SSX2IP: variants seen among roughly 807,000 people sequenced by gnomAD.
The protein encoded by SSX2IP is SSX family member 2 interacting protein, also known as afadin- and alpha-actinin-binding protein.
A neutral mutation model predicts 84.9 loss-of-function variants in SSX2IP; 55 were observed. The observed-to-expected ratio is 0.65, with a 90% CI of 0.52 to 0.81. The LOEUF is 0.81. SSX2IP is among the 30% of genes least tolerant of loss of function. SSX2IP has a pLI of 0.00. For synonymous variants in SSX2IP, 239 were observed against 234.7 expected, an observed-to-expected ratio of 1.02 and a Z score of -0.17; for missense variants, 664 against 705.2, an observed-to-expected ratio of 0.94 and a Z score of 0.66.
intron 3 of SSX2IP, chr1:84,670,366 T>C: frequency 4.7e-6 from 1 of 214,624 alleles, no homozygotes; most frequent in Non-Finnish European, 9.1e-6. Context: ...TATAAATCTG[T>C]GACATGGAGC....
At chr1:84,660,100 C>T (rs1476263390) in intron 8 of SSX2IP, among the ~76,000 whole-genome samples, 1 of 152,126 alleles carries the variant, frequency 6.6e-6, no homozygotes, top group African/African-American at 2.4e-5. Flanking sequence ...GTGGATGCTA[C>T]CTAGGCATTC....
rs1655570459 is a variant in SSX2IP at position 84,684,865 on chromosome 1, A to G, written c.-90+5506T>C. Among the ~76,000 whole-genome samples, 3 of 152,336 alleles carry G rather than the reference A, an allele frequency of 2.0e-5. No individual in the cohort carries two copies. In the South Asian group the frequency reaches 6.2e-4, roughly 32 times the overall value. On this transcript the variant is annotated intron_variant, in intron 1 of 13. Coordinates refer to ENST00000342203, the MANE Select transcript of SSX2IP (RefSeq NM_001166293.2). Reference sequence around the variant, plus strand: ...TTTCAGAAGATAGGGCATGTAATATATACAGTTTTAAATTATGTGATGCAA... The same window carrying G: ...TTTCAGAAGATAGGGCATGTAATATGTACAGTTTTAAATTATGTGATGCAA...
Position 84,660,923 on chromosome 1 carries a change from C to T in SSX2IP, c.927+1275G>A, listed in dbSNP as rs531981904. ...AAAAAAAAAAAAAAAAAAAATTAGC[C>T]GGGCATGGTGGCGGCTGCCTATAGT... is the stretch of plus-strand genomic sequence containing the variant. On this transcript the variant is annotated intron_variant, in intron 8 of 13. Transcript: ENST00000342203. Among the ~76,000 whole-genome samples, 25 of 147,276 alleles carry T rather than the reference C, an allele frequency of 1.7e-4. 1 individual carries two copies. In the East Asian group the frequency reaches 2.9e-3, roughly 17 times the overall value.
chr1:84,654,070 T>G (rs1332766063), intron 11 of SSX2IP, among the ~76,000 whole-genome samples: 1 of 151,866 alleles, frequency 6.6e-6, no homozygotes, highest in Admixed American at 6.6e-5. Context: ...AGAACAAAAG[T>G]CAACCTGTAG....
Position 84,662,378 on chromosome 1 carries a change from G to A in SSX2IP, c.750-3C>T. 2 of 1,605,798 alleles carry A rather than the reference G, an allele frequency of 1.2e-6. No individual in the cohort carries two copies. Among genetic ancestry groups the A allele is most frequent in the Non-Finnish European group, 1.7e-6 (2 of 1,176,778 alleles). On this transcript the variant is annotated splice_region_variant and splice_polypyrimidine_tract_variant and intron_variant, in intron 7 of 13. Coordinates refer to ENST00000342203, the MANE Select transcript of SSX2IP (RefSeq NM_001166293.2). Reference sequence around the variant, plus strand: ...TTTTATACATTTCATCTTCATTCCTGAGAAAGAAACTGTCAGTATGAAAAT... The same window carrying A: ...TTTTATACATTTCATCTTCATTCCTAAGAAAGAAACTGTCAGTATGAAAAT...
intron 12 of SSX2IP, 58 bp from the exon 13 acceptor site, chr1:84,650,585 T>C: frequency 6.4e-7 from 1 of 1,571,982 alleles, no homozygotes; most frequent in Admixed American, 1.7e-5. Context: ...TTAAATATAG[T>C]GAAGGTAAAT....
chr1:84,661,098 AT>A (rs35349596), intron 8 of SSX2IP, among the ~76,000 whole-genome samples: 31 of 143,934 alleles, frequency 2.2e-4, no homozygotes, highest in Admixed American at 3.5e-4. Flanking sequence ...AATTTAGGTA[AT>A]TTTTTTTTTT....
rs1023242811 is a variant in SSX2IP at position 84,655,673 on chromosome 1, T to C, written c.1389+159A>G. ...GGTAAGGGGAAATGATCCCATTCTA[T>C]ATGCTCAGCCTCCCTCTCATTTCAA... On this transcript the variant is annotated intron_variant, in intron 11 of 13. Transcript: ENST00000342203. 13 of 1,473,682 alleles carry C rather than the reference T, an allele frequency of 8.8e-6. No individual in the cohort carries two copies. The African/African-American group carries it at 1.8e-4, about 21-fold the overall frequency. The allele number at this position is 1,473,682 out of a possible 1,614,324, so 91.3% of individuals were successfully genotyped here.
rs777468223 is a variant in SSX2IP, at chr1:84,669,802, C to G, written c.305G>C (p.Cys102Ser). 6 of 1,613,562 alleles carry G rather than the reference C, an allele frequency of 3.7e-6. No individual in the cohort carries two copies. The highest frequency in any genetic ancestry group is 2.7e-5 in the African/African-American group (2 of 74,908). Residue 102 changes from cysteine (C) to serine (S), a missense_variant, in exon 4 of 14, where the codon TGT becomes TCT. Cys to Ser is a moderately radical substitution (Grantham distance 112). Transcript: ENST00000342203. The part of the protein sequence containing the change: ...RELNIVAVLN[C>S]MNELLVLQRK... The stretch of plus-strand genomic sequence containing the variant: ...CTGAAGCACAAGCAGCTCATTCATA[C>G]AATTTAGTACAGCTACTATATTTAA...
At chr1:84,660,790 C>T (rs561176056) in intron 8 of SSX2IP, among the ~76,000 whole-genome samples, 6 of 150,000 alleles carry the variant, frequency 4.0e-5, no homozygotes, top group Admixed American at 2.0e-4. Flanking sequence ...CAGTGGCTGA[C>T]GCCTGTAATC....
chr1:84,682,248 C>T (rs1655177169), intron 1 of SSX2IP, among the ~76,000 whole-genome samples: 1 of 152,156 alleles, frequency 6.6e-6, no homozygotes, highest in Non-Finnish European at 1.5e-5. Context: ...AGGGCGCTGT[C>T]ACTTCAGGGA....
chr1:84,668,738 C>G (rs1289429637), intron 4 of SSX2IP, among the ~76,000 whole-genome samples: 1 of 151,886 alleles, frequency 6.6e-6, no homozygotes, highest in Non-Finnish European at 1.5e-5. Flanking sequence ...CTCAAAGATT[C>G]AAGATTCTGA....
At chr1:84,676,620 C>CATG (rs1395604740) in intron 1 of SSX2IP, among the ~76,000 whole-genome samples, 2 of 151,296 alleles carry the variant, frequency 1.3e-5, no homozygotes, top group Non-Finnish European at 2.9e-5. Context: ...TAGACAGGAA[C>CATG]TAGTGCTCAG....
intron 13 of SSX2IP, 64 bp from the exon 14 acceptor site, chr1:84,647,671 T>C: frequency 1.6e-6 from 2 of 1,238,712 alleles, no homozygotes; most frequent in Admixed American, 2.7e-5. Context: ...TTTAACCTCA[T>C]AATGTGGCAC....
intron 12 of SSX2IP, among the ~76,000 whole-genome samples, chr1:84,651,460 T>C (rs1650236825): frequency 6.6e-6 from 1 of 152,224 alleles, no homozygotes; most frequent in Non-Finnish European, 1.5e-5. Flanking sequence ...CCAGGCGCAG[T>C]GGCTCATGCC....
At position 84,645,097 on chromosome 1, in the gene SSX2IP, A is replaced by G. The variant is rs1649315863; in HGVS notation, c.*2336T>C. The G allele has an allele frequency of 6.6e-6, 1 of 152,244 alleles. No homozygotes were observed. The highest frequency in any genetic ancestry group is 2.1e-4 in the South Asian group (1 of 4,836). The allele number at this position is 152,244 out of a possible 1,614,324, so 9.4% of individuals were successfully genotyped here. On this transcript the variant is annotated 3_prime_UTR_variant, in exon 14 of 14. Transcript: ENST00000342203. ...TTTACATAGTGATAAACAAGAAAGCACTTATCAGGAGGACTTACAAATGGA... is the reference window on the plus strand; with the variant it reads ...TTTACATAGTGATAAACAAGAAAGCGCTTATCAGGAGGACTTACAAATGGA...
chr1:84,675,150 A>C (rs1003394648), intron 1 of SSX2IP, among the ~76,000 whole-genome samples: 2 of 152,218 alleles, frequency 1.3e-5, no homozygotes, highest in African/African-American at 4.8e-5. Flanking sequence ...AAAGCATCAA[A>C]TGCAACCAAG....
At chr1:84,681,838 G>A (rs1250267627) in intron 1 of SSX2IP, among the ~76,000 whole-genome samples, 2 of 152,154 alleles carry the variant, frequency 1.3e-5, no homozygotes, top group Non-Finnish European at 2.9e-5. Flanking sequence ...CTGAGGGAAT[G>A]TCTGTGGGAA....
rs1357565944 is a variant in SSX2IP, at chr1:84,662,388, C to T, written c.750-13G>A. The stretch of plus-strand genomic sequence containing the variant: ...TTCATCTTCATTCCTGAGAAAGAAA[C>T]TGTCAGTATGAAAATGCAGGATAGA... On this transcript the variant is annotated splice_polypyrimidine_tract_variant and intron_variant, in intron 7 of 13. Coordinates refer to ENST00000342203, the MANE Select transcript of SSX2IP (RefSeq NM_001166293.2). 6.2e-7 allele frequency: 1 copy of T among 1,606,630 alleles called. No homozygotes were observed. The highest frequency in any genetic ancestry group is 8.5e-7 in the Non-Finnish European group (1 of 1,177,044).
Sources: allele counts gnomAD v4.1 joint callset (sites outside exome capture counted in the v4.1 genomes callset), GRCh38; gene constraint gnomAD v4.1.1; transcripts MANE v1.5; gene names NCBI Gene and HGNC (gene_info 2026-07-23, HGNC 2026-07-21).